The following DST variants were observed in gnomAD, a reference collection of about 807,000 sequenced individuals.
The protein encoded by DST is bullous pemphigoid antigen.
A neutral mutation model predicts 875.2 loss-of-function variants in DST; 253 were observed. That is an observed-to-expected ratio of 0.29 (90% CI 0.26 to 0.32). DST has a LOEUF of 0.32. DST is among the 10% of genes least tolerant of loss of function. The pLI, the probability that DST is intolerant of heterozygous loss-of-function variation, is 1.00. For synonymous variants in DST, 3,124 were observed against 3,197.1 expected (o/e 0.98, Z 0.77); for missense variants, 8,287 against 9,111.6 (o/e 0.91, Z 3.68).
In DST at chr6:56,498,019, G is replaced by A. The variant is rs2095979679; in HGVS notation, c.19931C>T (p.Thr6644Ile). 1 of 1,613,304 alleles carries A rather than the reference G, an allele frequency of 6.2e-7. No homozygotes were observed. Among genetic ancestry groups the A allele is most frequent in the Non-Finnish European group, 8.5e-7 (1 of 1,179,498 alleles). Residue 6644 changes from threonine (T) to isoleucine (I), a missense_variant, in exon 81 of 104, where the codon ACA (threonine) becomes ATA (isoleucine). Thr to Ile is a moderately conservative substitution (Grantham distance 89, BLOSUM62 -1). Coordinates refer to ENST00000680361, the MANE Select transcript of DST (RefSeq NM_001374736.1). ...LQNDVLAHQS[T>I]VEAVNKAGND... is the part of the protein sequence containing the mutation. ...TCCTGCTTTATTAACGGCTTCCACT[G>A]TGGACTGATGGGCTAATACATCATT...
chr6:56,526,502 A>T lies in DST; in HGVS notation c.17988T>A (p.Ala5996=). Residue 5996 remains alanine, a synonymous_variant, in exon 69 of 104, where the codon GCT becomes GCA. Coordinates refer to ENST00000680361, the MANE Select transcript of DST (RefSeq NM_001374736.1). ...LLDSLNEVSS[A]LLELVPWRAR... is the part of the protein sequence containing the mutation. ...CCCTCCATGGTACCAGTTCCAGCAA[A>T]GCACTGCTCACTTCATTAAGGGAGT... 1.2e-6 allele frequency: 2 copies of T among 1,613,808 alleles called. No homozygotes were observed. The highest frequency in any genetic ancestry group is 1.7e-6 in the Non-Finnish European group (2 of 1,179,792).
At chr6:56,910,114 T>C (rs11965554) in intron 2 of DST, among the ~76,000 whole-genome samples, 4,542 of 152,324 alleles carry the variant, frequency 0.03, 197 homozygotes, top group African/African-American at 0.1. Flanking sequence ...CCTGGAGTTA[T>C]GATGACAACA....
At chr6:56,684,686 A>G (rs1053189248) in intron 9 of DST, among the ~76,000 whole-genome samples, 22 of 152,268 alleles carry the variant, frequency 1.4e-4, no homozygotes, top group African/African-American at 5.1e-4. Flanking sequence ...AAGTCAGACT[A>G]ATTTTTCTTC....
intron 3 of DST, among the ~76,000 whole-genome samples, chr6:56,887,642 G>GT (rs1387689171): frequency 8.6e-5 from 13 of 151,886 alleles, no homozygotes; most frequent in South Asian, 2.1e-4. Flanking sequence ...AGAATTTAAG[G>GT]TTTTTTTTAT....
chr6:56,843,689 GGGGAGAGA>G, intron 4 of DST: 1 of 978,738 alleles, frequency 1.0e-6, no homozygotes, highest in Non-Finnish European at 1.2e-6. Flanking sequence ...CGCCCGCGCC[GGGGAGAGA>G]GGGAGGGAGG....
chr6:56,814,067 C>T (rs1466818904), intron 4 of DST, among the ~76,000 whole-genome samples: 1 of 152,052 alleles, frequency 6.6e-6, no homozygotes, highest in Non-Finnish European at 1.5e-5. Context: ...CTCAAAAATA[C>T]ATTGATTCTC....
chr6:56,498,196 T>TG, intron 80 of DST, 143 bp from the exon 81 acceptor site: 1 of 798,996 alleles, frequency 1.3e-6, no homozygotes. Flanking sequence ...TTTAAAGAGA[T>TG]GGGGTCTTAC....
chr6:56,843,415 G>T lies in DST; in HGVS notation c.625+7982C>A, dbSNP rs574954264. 257 of 1,089,498 alleles carry T rather than the reference G, an allele frequency of 2.4e-4. No individual in the cohort carries two copies. In the African/African-American group the frequency reaches 3.8e-3, roughly 16 times the overall value. 67.5% of individuals were successfully genotyped at this position (1,089,498 alleles called of 1,614,324 possible). A position where few individuals can be genotyped will look rare whatever the true frequency, so the allele number is the denominator to read the frequency against. On this transcript the variant is annotated intron_variant, in intron 4 of 103. Coordinates refer to ENST00000680361, the MANE Select transcript of DST (RefSeq NM_001374736.1). ...CGAGTCCCTCTCGGGTTTCAGCAGC[G>T]GCAAATCTCAGCGAGCCCAGGGGCG...
chr6:56,954,462 G>A lies in DST; in HGVS notation c.126C>T (p.Leu42=), dbSNP rs1352975169. The change falls in exon 1 of 104, where the codon CTC becomes CTT. Residue 42 remains leucine (L), a synonymous_variant. Transcript: ENST00000680361. ...IVFFCCWHRK[L]QKGRHPMKSV... ...ATTTCATCGGATGCCTCCCTTTCTGGAGCTTGCGGTGCCAGCAGCAGAAGA... is the reference window on the plus strand; with the variant it reads ...ATTTCATCGGATGCCTCCCTTTCTGAAGCTTGCGGTGCCAGCAGCAGAAGA... 1 of 1,367,498 alleles carries A rather than the reference G, an allele frequency of 7.3e-7. No individual in the cohort carries two copies. Among genetic ancestry groups the A allele is most frequent in the Non-Finnish European group, 9.8e-7 (1 of 1,021,822 alleles). The allele number at this position is 1,367,498 out of a possible 1,614,324, so 84.7% of individuals were successfully genotyped here. A position where few individuals can be genotyped will look rare whatever the true frequency, so the allele number is the denominator to read the frequency against.
chr6:56,853,871 C>A (rs1240640007), intron 3 of DST, among the ~76,000 whole-genome samples: 1 of 152,008 alleles, frequency 6.6e-6, no homozygotes, highest in Non-Finnish European at 1.5e-5. Context: ...GAGGAAAAGA[C>A]AATCAACAAC....
intron 4 of DST, among the ~76,000 whole-genome samples, chr6:56,799,753 C>T (rs1386061543): frequency 2.0e-5 from 3 of 151,890 alleles, no homozygotes; most frequent in Admixed American, 6.6e-5. Flanking sequence ...TTCCAAGTAG[C>T]GGGGATAACA....
At chr6:56,489,388 A>AT (rs1298133788) in intron 86 of DST, 102 bp downstream of exon 86, 2 of 1,255,878 alleles carry the variant, frequency 1.6e-6, no homozygotes, top group Non-Finnish European at 2.1e-6. Flanking sequence ...CTGGACCTAC[A>AT]TTTTTTCTTT....
chr6:56,625,286 A>G (rs2098723353), intron 34 of DST, 22 bp from the exon 35 acceptor site: 1 of 1,488,796 alleles, frequency 6.7e-7, no homozygotes. Context: ...AGTCAATAAG[A>G]TAAAATGAAT....
intron 2 of DST, among the ~76,000 whole-genome samples, chr6:56,949,248 T>C (rs1436589192): frequency 2.6e-5 from 4 of 152,198 alleles, no homozygotes; most frequent in Non-Finnish European, 4.4e-5. Context: ...GAGTTTTTGT[T>C]TGTTTGTTTT....
At chr6:56,815,909 G>A (rs1287864958) in intron 4 of DST, among the ~76,000 whole-genome samples, 1 of 151,982 alleles carries the variant, frequency 6.6e-6, no homozygotes, top group Admixed American at 6.6e-5. Flanking sequence ...AAGGCATTCA[G>A]GACACAAAGA....
intron 2 of DST, among the ~76,000 whole-genome samples, chr6:56,928,177 T>A (rs9475754): frequency 0.029 from 4,441 of 151,008 alleles, 193 homozygotes; most frequent in African/African-American, 0.1. Flanking sequence ...AATAAATACA[T>A]AAAGCTGAGG....
In DST at chr6:56,463,760, T is replaced by C. The variant is rs2094448793; in HGVS notation, c.22764A>G (p.Lys7588=). ...SITTTQPTIA[K]GRTNMELREK... is the part of the protein sequence containing the mutation. ...CACGCAGTTCCATGTTTGTCCTTCC[T>C]TTGGCTGGGTTATACACACACAACA... Residue 7588 remains lysine (K), a synonymous_variant, in exon 101 of 104, where the codon AAA becomes AAG. Transcript: ENST00000680361. 1.2e-6 allele frequency: 2 copies of C among 1,613,912 alleles called. No homozygotes were observed. The highest frequency in any genetic ancestry group is 1.7e-6 in the Non-Finnish European group (2 of 1,179,864).
rs1030727404 is a variant in DST at position 56,953,889 on chromosome 6, T to C, written c.182-70A>G. On this transcript the variant is annotated intron_variant, in intron 1 of 103. Transcript: ENST00000680361. ...CTTCACCTACCGAGTGACTCATGACTTACCTGGGAGACCAGGGTTGGGAAA... is the reference window on the plus strand; with the variant it reads ...CTTCACCTACCGAGTGACTCATGACCTACCTGGGAGACCAGGGTTGGGAAA... 6.9e-5 allele frequency: 81 copies of C among 1,172,844 alleles called. 1 individual carries two copies. In the Admixed American group the frequency reaches 2.0e-3, roughly 28 times the overall value. The allele number at this position is 1,172,844 out of a possible 1,614,324, so 72.7% of individuals were successfully genotyped here. A position where few individuals can be genotyped will look rare whatever the true frequency, so the allele number is the denominator to read the frequency against.
At chr6:56,915,879 A>G (rs1592433491) in intron 2 of DST, among the ~76,000 whole-genome samples, 1 of 152,254 alleles carries the variant, frequency 6.6e-6, no homozygotes, top group African/African-American at 2.4e-5. Flanking sequence ...CCATATCAAT[A>G]GCAACCCCAA....
Sources: gnomAD v4.1 joint callset for allele counts (sites outside exome capture counted in the v4.1 genomes callset) on GRCh38, gnomAD v4.1.1 for gene constraint, MANE v1.5 for transcripts, NCBI Gene and HGNC (gene_info 2026-07-23, HGNC 2026-07-21) for gene names.